The following SHTN1 variants were observed in gnomAD, a reference collection of about 807,000 sequenced individuals.
The protein encoded by SHTN1 is shootin 1.
In SHTN1, 42 loss-of-function variants were observed where a neutral mutation model predicts 83.1. The observed-to-expected ratio is 0.51, with a 90% CI of 0.39 to 0.65. The LOEUF is 0.65. Ranked by LOEUF, SHTN1 falls within the 30% of genes least tolerant of loss-of-function variation. The pLI, the probability that SHTN1 is intolerant of heterozygous loss-of-function variation, is 0.00. For missense variants in SHTN1, 622 were observed against 737.8 expected (o/e 0.84, Z 1.82); for synonymous variants, 224 against 247.7 (o/e 0.90, Z 0.90).
At chr10:117,101,353 G>GA (rs1472383512) in intron 1 of SHTN1, among the ~76,000 whole-genome samples, 1 of 152,020 alleles carries the variant, frequency 6.6e-6, no homozygotes, top group Non-Finnish European at 1.5e-5. Context: ...CAAGGTGATA[G>GA]AAAAAAGGTT....
chr10:116,917,344 C>T (rs1240087100), intron 12 of SHTN1, among the ~76,000 whole-genome samples: 1 of 152,092 alleles, frequency 6.6e-6, no homozygotes, highest in Non-Finnish European at 1.5e-5. Flanking sequence ...TGCTCTGTCG[C>T]CCAGAGCTGG....
At chr10:116,938,208 T>G (rs1849242521) in intron 9 of SHTN1, among the ~76,000 whole-genome samples, 2 of 152,098 alleles carry the variant, frequency 1.3e-5, no homozygotes, top group African/African-American at 4.8e-5. Context: ...GCTCCCTTGC[T>G]GGCGAGGAGT....
intron 1 of SHTN1, among the ~76,000 whole-genome samples, chr10:117,114,074 G>A (rs576683334): frequency 6.6e-6 from 1 of 152,108 alleles, no homozygotes; most frequent in East Asian, 1.9e-4. Flanking sequence ...AAAAAGCTGG[G>A]CACAATGGTG....
intron 4 of SHTN1, among the ~76,000 whole-genome samples, chr10:116,956,391 T>G (rs1487262246): frequency 6.6e-6 from 1 of 152,198 alleles, no homozygotes; most frequent in East Asian, 1.9e-4. Flanking sequence ...TGTTTCAGTT[T>G]TCTCATCAGT....
chr10:117,081,011 T>C lies in SHTN1; in HGVS notation c.-188-32501A>G, dbSNP rs188661409. Among the ~76,000 whole-genome samples the C allele has an allele frequency of 1.6e-4, 25 of 152,170 alleles. No homozygotes were observed. The East Asian group carries it at 3.3e-3, about 20-fold the overall frequency. ...ACAATTTGACTTCCTCTTTTCCTAA[T>C]TGAATACCCGTTATTTCCTTCTCCC... On this transcript the variant is annotated intron_variant, in intron 1 of 17. Coordinates refer to the SHTN1 transcript ENST00000392901.
rs1297975813 is a variant in SHTN1, at chr10:117,097,026, CAT to C, written c.-189+29279_-189+29280del. Among the ~76,000 whole-genome samples, 63 of 122,588 alleles carry C rather than the reference CAT, an allele frequency of 5.1e-4. 1 individual carries two copies. Among genetic ancestry groups the C allele is most frequent in the East Asian group, 4.0e-3 (17 of 4,274 alleles). The allele number at this position is 122,588 out of a possible 152,430, so 80.4% of individuals were successfully genotyped here. ...GCGCACGCGCGCGCACACACACACACATAGACACACACACACACACACACACA... is the reference window on the plus strand; with the variant it reads ...GCGCACGCGCGCGCACACACACACACAGACACACACACACACACACACACA... On this transcript the variant is annotated intron_variant, in intron 1 of 17. Coordinates refer to the SHTN1 transcript ENST00000392901.
rs982469781 is a variant in SHTN1 at position 116,884,158 on chromosome 10, C to G, written c.*2186G>C. ...CCAACTTAAAATTGTGTAAGCAGGA[C>G]GTATGTAAGTTTTGTGTGTGCAATA... On this transcript the variant is annotated 3_prime_UTR_variant, in exon 17 of 17. Coordinates refer to ENST00000355371, the MANE Select transcript of SHTN1 (RefSeq NM_001127211.3). 8 of 452,306 alleles carry G rather than the reference C, an allele frequency of 1.8e-5. No individual in the cohort carries two copies. The highest frequency in any genetic ancestry group is 1.2e-4 in the South Asian group (8 of 64,052). 28.0% of individuals were successfully genotyped at this position (452,306 alleles called of 1,614,324 possible). A position where few individuals can be genotyped will look rare whatever the true frequency, so the allele number is the denominator to read the frequency against.
intron 1 of SHTN1, among the ~76,000 whole-genome samples, chr10:117,004,534 G>C (rs886252078): frequency 2.6e-5 from 4 of 152,086 alleles, no homozygotes; most frequent in Non-Finnish European, 5.9e-5. Context: ...ATCCCAGCTG[G>C]GCAAGGAAAG....
chr10:116,992,000 G>T (rs2133515204), intron 1 of SHTN1, among the ~76,000 whole-genome samples: 1 of 152,160 alleles, frequency 6.6e-6, no homozygotes, highest in Admixed American at 6.5e-5. Flanking sequence ...ATACTAGCCA[G>T]GCGTAGTGGC....
At chr10:117,078,290 C>T (rs1395031804) in intron 1 of SHTN1, among the ~76,000 whole-genome samples, 1 of 152,176 alleles carries the variant, frequency 6.6e-6, no homozygotes, top group African/African-American at 2.4e-5. Context: ...AAGCCATCTA[C>T]AAGGATGGTG....
At chr10:117,077,372 A>T (rs1853175022) in intron 1 of SHTN1, among the ~76,000 whole-genome samples, 1 of 152,234 alleles carries the variant, frequency 6.6e-6, no homozygotes, top group Non-Finnish European at 1.5e-5. Flanking sequence ...TGGGCACTTA[A>T]GGAAATCAAG....
intron 1 of SHTN1, among the ~76,000 whole-genome samples, chr10:117,002,724 C>A (rs1377420237): frequency 3.9e-5 from 6 of 152,178 alleles, no homozygotes; most frequent in Non-Finnish European, 8.8e-5. Flanking sequence ...GATCCAATGA[C>A]AAGCAAACTA....
intron 4 of SHTN1, among the ~76,000 whole-genome samples, chr10:116,957,647 T>C (rs1332354989): frequency 6.6e-6 from 1 of 152,246 alleles, no homozygotes; most frequent in Non-Finnish European, 1.5e-5. Context: ...AGTGGCTATT[T>C]AAAGGTACAA....
intron 1 of SHTN1, among the ~76,000 whole-genome samples, chr10:117,064,406 G>A (rs544768806): frequency 3.9e-5 from 6 of 152,212 alleles, no homozygotes; most frequent in East Asian, 3.9e-4. Context: ...CCGTAATCCC[G>A]GCACTTTGGG....
At chr10:117,060,653 G>A (rs1366843276) in intron 1 of SHTN1, among the ~76,000 whole-genome samples, 3 of 152,148 alleles carry the variant, frequency 2.0e-5, no homozygotes, top group Admixed American at 6.6e-5. Context: ...AACCAGAAGT[G>A]TGTACAATAC....
At chr10:117,044,419 A>G (rs762476633) in intron 2 of SHTN1, among the ~76,000 whole-genome samples, 15 of 151,938 alleles carry the variant, frequency 9.9e-5, no homozygotes, top group African/African-American at 2.4e-4. Context: ...TAACTATTGG[A>G]AAAAAAAGGA....
rs937719667 is a variant in SHTN1 at position 117,083,396 on chromosome 10, G to A, written c.-188-34886C>T. Among the ~76,000 whole-genome samples the A allele has an allele frequency of 3.9e-4, 59 of 149,706 alleles. No homozygotes were observed. In the East Asian group the frequency reaches 0.01, roughly 25 times the overall value. The stretch of plus-strand genomic sequence containing the variant: ...TCTTCTGGCTTGTAGGGTTTCTGCC[G>A]AGAGATCCGCTGTTAGTCTGATGGG... On this transcript the variant is annotated intron_variant, in intron 1 of 17. Coordinates refer to the SHTN1 transcript ENST00000392901.
At chr10:116,926,921 TG>T (rs1848763586) in intron 11 of SHTN1, among the ~76,000 whole-genome samples, 1 of 152,158 alleles carries the variant, frequency 6.6e-6, no homozygotes. Flanking sequence ...GCTCAAGTGA[TG>T]TACATAATGC....
At chr10:116,899,506 G>GGGGTGTGT (rs1554906586) in intron 16 of SHTN1, among the ~76,000 whole-genome samples, 2 of 124,500 alleles carry the variant, frequency 1.6e-5, no homozygotes, top group African/African-American at 5.9e-5. Flanking sequence ...GGCTGGGGCT[G>GGGGTGTGT]GTGTGTGTGT....
Sources: gnomAD v4.1 joint callset for allele counts (sites outside exome capture counted in the v4.1 genomes callset) on GRCh38, gnomAD v4.1.1 for gene constraint, MANE v1.5 for transcripts, NCBI Gene and HGNC (gene_info 2026-07-23, HGNC 2026-07-21) for gene names.